The following PIEZO2 variants were observed in gnomAD, a reference collection of about 807,000 sequenced individuals.
PIEZO2 encodes the protein piezo type mechanosensitive ion channel component 2.
Under a neutral mutation model 337.3 loss-of-function variants are expected in PIEZO2, and 172 were observed. The observed-to-expected ratio is 0.51, with a 90% confidence interval of 0.45 to 0.58. The LOEUF is 0.58. Ranked by LOEUF, PIEZO2 falls within the 20% of genes least tolerant of loss-of-function variation. The probability of loss-of-function intolerance (pLI) is 0.00; values close to 1 mark genes in which losing one functional copy is unlikely to be tolerated. For synonymous variants in PIEZO2, 1,251 were observed against 1,228.5 expected (o/e 1.02, Z -0.38); for missense variants, 3,028 against 3,391.3 (o/e 0.89, Z 2.66).
At chr18:11,059,634 C>A (rs1451828352) in intron 2 of PIEZO2, among the ~76,000 whole-genome samples, 1 of 152,010 alleles carries the variant, frequency 6.6e-6, no homozygotes, top group Non-Finnish European at 1.5e-5. Context: ...AGACTTTAAA[C>A]CAACAAAGAT....
chr18:10,881,952 A>C (rs1274063878), intron 4 of PIEZO2, among the ~76,000 whole-genome samples: 1 of 152,022 alleles, frequency 6.6e-6, no homozygotes, highest in Non-Finnish European at 1.5e-5. Context: ...CAGGCTCCTC[A>C]TCATCCCAGG....
chr18:10,845,553 T>A (rs1462556575), intron 7 of PIEZO2, among the ~76,000 whole-genome samples: 2 of 152,192 alleles, frequency 1.3e-5, no homozygotes, highest in Admixed American at 1.3e-4. Flanking sequence ...GGAACTGACA[T>A]TCTTTGGTTG....
Position 10,895,025 on chromosome 18 carries a change from G to T in PIEZO2, c.329+16161C>A, listed in dbSNP as rs1267590010. Among the ~76,000 whole-genome samples the T allele has an allele frequency of 6.6e-6, 1 of 152,224 alleles. No homozygotes were observed. Among genetic ancestry groups the T allele is most frequent in the African/African-American group, 2.4e-5 (1 of 41,464 alleles). ...AGTCTGTAATGAAGAATTTGCCCGT[G>T]CTCTTGCATGGTCATTCCTCCCCCT... On this transcript the variant is annotated intron_variant, in intron 4 of 55. Coordinates refer to ENST00000674853, the MANE Select transcript of PIEZO2 (RefSeq NM_001378183.1). This position sits in a 1 kb window ranked among gnomAD's most constrained non-coding sequence, Gnocchi z 4.8.
In PIEZO2 at chr18:10,855,674, G is replaced by T; in HGVS notation, c.704-108C>A. 14 of 904,258 alleles carry T rather than the reference G, an allele frequency of 1.5e-5. No individual in the cohort carries two copies. The highest frequency in any genetic ancestry group is 2.9e-5 in the Admixed American group (1 of 33,906). 56.0% of individuals were successfully genotyped at this position (904,258 alleles called of 1,614,324 possible). On this transcript the variant is annotated intron_variant, in intron 6 of 55. Transcript: ENST00000674853. The surrounding 1 kb of genome is among the most constrained non-coding windows in gnomAD (Gnocchi z 4.9). ...TGTGAATTTCCTTCAAGTGTTTTTA[G>T]GTTTTTTAAAATAGTAATTTTTAAA...
rs1023399538 is a variant in PIEZO2 at position 10,744,146 on chromosome 18, G to C, written c.4510C>G (p.Arg1504Gly). The C allele has an allele frequency of 1.3e-6, 2 of 1,531,642 alleles. No homozygotes were observed. Among genetic ancestry groups the C allele is most frequent in the Non-Finnish European group, 1.8e-6 (2 of 1,142,116 alleles). 94.9% of individuals were successfully genotyped at this position (1,531,642 alleles called of 1,614,324 possible). A position where few individuals can be genotyped will look rare whatever the true frequency, so the allele number is the denominator to read the frequency against. ...EEKKSMDQLK[R>G]QMDRIKARQQ... ...GAGCATCAATAGCATCCTTACTGTC[G>C]CTTCAGCTGGTCCATGGACTTCTTC... is the stretch of plus-strand genomic sequence containing the variant. The change falls in exon 31 of 56, where the codon CGA becomes GGA. Residue 1504 changes from arginine to glycine, a missense_variant. Around this residue, in one of 5 missense-constraint regions of PIEZO2, gnomAD observed 1,925 missense variants for 2,051.9 expected, o/e 0.94. Coordinates refer to ENST00000674853, the MANE Select transcript of PIEZO2 (RefSeq NM_001378183.1).
rs1036875034 is a variant in PIEZO2 at position 11,146,405 on chromosome 18, T to C, written c.64+2120A>G. On this transcript the variant is annotated intron_variant, in intron 1 of 55. Coordinates refer to ENST00000674853, the MANE Select transcript of PIEZO2 (RefSeq NM_001378183.1). The surrounding 1 kb of genome is among the most constrained non-coding windows in gnomAD (Gnocchi z 6.1). ...AGAAGAAGCTCGGTGGGGGTCCCAG[T>C]GGTGAGAGGCAGGGCTGAATCCAGA... is the stretch of plus-strand genomic sequence containing the variant. 1.3e-5 allele frequency among the ~76,000 whole-genome samples: 2 copies of C among 151,980 alleles called. No homozygotes were observed. The highest frequency in any genetic ancestry group is 4.8e-5 in the African/African-American group (2 of 41,382).
At position 11,031,855 on chromosome 18, in the gene PIEZO2, T is replaced by G. The variant is rs73396599; in HGVS notation, c.160+34272A>C. On this transcript the variant is annotated intron_variant, in intron 2 of 55. Coordinates refer to ENST00000674853, the MANE Select transcript of PIEZO2 (RefSeq NM_001378183.1). The surrounding 1 kb of genome is among the most constrained non-coding windows in gnomAD (Gnocchi z 4.7). ...CTATTTATTAATCTATTGGGTGTAT[T>G]TTAATATTTTATAATCCATTTGGCT... is the stretch of plus-strand genomic sequence containing the variant. Among the ~76,000 whole-genome samples the G allele has an allele frequency of 3.5e-3, 528 of 152,242 alleles. 5 individuals carry two copies. Among genetic ancestry groups the G allele is most frequent in the African/African-American group, 0.012 (491 of 41,534 alleles).
chr18:11,019,937 C>T (rs1028214544), intron 2 of PIEZO2, among the ~76,000 whole-genome samples: 1 of 152,160 alleles, frequency 6.6e-6, no homozygotes, highest in Non-Finnish European at 1.5e-5. Context: ...GTCTCCAGTA[C>T]TGGAGGCTGT....
Position 10,726,654 on chromosome 18 carries a change from C to T in PIEZO2, c.5029+4753G>A. 7.1e-7 allele frequency: 1 copy of T among 1,416,854 alleles called. No individual in the cohort carries two copies. The highest frequency in any genetic ancestry group is 9.6e-7 in the Non-Finnish European group (1 of 1,040,364). 87.8% of individuals were successfully genotyped at this position (1,416,854 alleles called of 1,614,324 possible). A position where few individuals can be genotyped will look rare whatever the true frequency, so the allele number is the denominator to read the frequency against. On this transcript the variant is annotated intron_variant, in intron 36 of 55. Coordinates refer to ENST00000674853, the MANE Select transcript of PIEZO2 (RefSeq NM_001378183.1). The surrounding 1 kb of genome is among the most constrained non-coding windows in gnomAD (Gnocchi z 5.9). ...AGTACTGCGCGCGCGCCAAGCGCGG[C>T]CAGACAGACACCTCGCTGCCAAGTT... is the stretch of plus-strand genomic sequence containing the variant.
rs6505590 is a variant in PIEZO2 at position 10,746,606 on chromosome 18, A to G, written c.4424+1865T>C. On this transcript the variant is annotated intron_variant, in intron 30 of 55. Coordinates refer to ENST00000674853, the MANE Select transcript of PIEZO2 (RefSeq NM_001378183.1). The surrounding 1 kb of genome is among the most constrained non-coding windows in gnomAD (Gnocchi z 4.2). ...CATCCCCTACAATTCACATGTGGAA[A>G]TCCTGACTCCCAAGGTGACGGACAG... 0.63 allele frequency among the ~76,000 whole-genome samples: 96,259 copies of G among 152,064 alleles called. 32,592 individuals carry two copies. The highest frequency in any genetic ancestry group is 0.89 in the African/African-American group (36,827 of 41,502).
At chr18:10,941,822 C>T (rs938992401) in intron 3 of PIEZO2, among the ~76,000 whole-genome samples, 1 of 152,114 alleles carries the variant, frequency 6.6e-6, no homozygotes, top group Non-Finnish European at 1.5e-5. Flanking sequence ...TGACTGATAC[C>T]GTTTGGCTCT....
At chr18:11,108,213 G>C (rs1214776719) in intron 1 of PIEZO2, among the ~76,000 whole-genome samples, 1 of 152,112 alleles carries the variant, frequency 6.6e-6, no homozygotes, top group African/African-American at 2.4e-5. Context: ...AAAACGCTTG[G>C]TATTTTCTTC....
At chr18:10,799,102 C>T (rs1415553799) in intron 11 of PIEZO2, among the ~76,000 whole-genome samples, 2 of 152,130 alleles carry the variant, frequency 1.3e-5, no homozygotes, top group Non-Finnish European at 2.9e-5. Flanking sequence ...AGTACTGATA[C>T]AGAATTATGA....
At chr18:10,987,388 C>G (rs910516892) in intron 2 of PIEZO2, among the ~76,000 whole-genome samples, 1 of 151,882 alleles carries the variant, frequency 6.6e-6, no homozygotes, top group Non-Finnish European at 1.5e-5. Context: ...AGAGGAGAGA[C>G]CTGAGAAGTT....
At chr18:11,005,002 C>A (rs1419591663) in intron 2 of PIEZO2, among the ~76,000 whole-genome samples, 1 of 152,154 alleles carries the variant, frequency 6.6e-6, no homozygotes, top group Non-Finnish European at 1.5e-5. Context: ...AAATGCAAAT[C>A]ACAATAATGA....
At chr18:10,960,630 G>C (rs1244742667) in intron 3 of PIEZO2, among the ~76,000 whole-genome samples, 1 of 150,888 alleles carries the variant, frequency 6.6e-6, no homozygotes, top group Non-Finnish European at 1.5e-5. Flanking sequence ...CTGTGTGTTT[G>C]AGGTTTTTTC....
chr18:10,906,635 A>G (rs1447232450), intron 4 of PIEZO2, among the ~76,000 whole-genome samples: 1 of 151,922 alleles, frequency 6.6e-6, no homozygotes, highest in Admixed American at 6.6e-5. Context: ...ATTTGGGCTC[A>G]CTGCAACCTC....
rs1432244101 is a variant in PIEZO2 at position 11,016,464 on chromosome 18, CT to C, written c.161-36805del. 2.6e-5 allele frequency among the ~76,000 whole-genome samples: 4 copies of C among 152,072 alleles called. No homozygotes were observed. The highest frequency in any genetic ancestry group is 4.8e-5 in the African/African-American group (2 of 41,408). ...GGGGCCCCAGAGAGAAAGTGAACCC[CT>C]AGGAACCCCCTGCAAAGGGTGGGTA... is the stretch of plus-strand genomic sequence containing the variant. On this transcript the variant is annotated intron_variant, in intron 2 of 55. Transcript: ENST00000674853. This position sits in a 1 kb window ranked among gnomAD's most constrained non-coding sequence, Gnocchi z 5.6.
At position 11,148,114 on chromosome 18, in the gene PIEZO2, G is replaced by T. The variant is rs991746832; in HGVS notation, c.64+411C>A. Reference sequence around the variant, plus strand: ...GTCTGGGAGAGATGGCCTCTGGGCCGTCTGGAGGCACAGCATGCTGTGCTT... The same window carrying T: ...GTCTGGGAGAGATGGCCTCTGGGCCTTCTGGAGGCACAGCATGCTGTGCTT... On this transcript the variant is annotated intron_variant, in intron 1 of 55. Coordinates refer to ENST00000674853, the MANE Select transcript of PIEZO2 (RefSeq NM_001378183.1). The surrounding 1 kb of genome is among the most constrained non-coding windows in gnomAD (Gnocchi z 5.2). 6.6e-6 allele frequency among the ~76,000 whole-genome samples: 1 copy of T among 152,120 alleles called. No homozygotes were observed. Among genetic ancestry groups the T allele is most frequent in the Non-Finnish European group, 1.5e-5 (1 of 68,016 alleles).
Sources: gnomAD v4.1 joint callset for allele counts (sites outside exome capture counted in the v4.1 genomes callset) on GRCh38, gnomAD v4.1.1 for gene constraint, gnomAD v4.1.1 regional missense constraint, Gnocchi (gnomAD v3.1) non-coding constraint, MANE v1.5 for transcripts, NCBI Gene and HGNC (gene_info 2026-07-23, HGNC 2026-07-21) for gene names.